Variants in RASAL2 observed in about 807,000 individuals in gnomAD.
The protein encoded by RASAL2 is RAS protein activator like 2.
A neutral mutation model predicts 128.9 loss-of-function variants in RASAL2; 58 were observed. The observed-to-expected ratio is 0.45, with a 90% CI of 0.36 to 0.56. The LOEUF (loss-of-function observed/expected upper bound fraction) is 0.56, where lower values mean the gene tolerates loss of function less well. RASAL2 is among the 20% of genes least tolerant of loss of function. The probability of loss-of-function intolerance (pLI) is 0.00; values close to 1 mark genes in which losing one functional copy is unlikely to be tolerated. For missense variants in RASAL2, 1,360 were observed against 1,601.6 expected (o/e 0.85, Z 2.57); for synonymous variants, 561 against 580.8 (o/e 0.97, Z 0.49).
At chr1:178,337,178 A>G (rs528381691) in intron 3 of RASAL2, among the ~76,000 whole-genome samples, 211 of 152,298 alleles carry the variant, frequency 1.4e-3, no homozygotes, top group Non-Finnish European at 2.1e-3. Flanking sequence ...TGTGACTATC[A>G]TAATTGTTAC....
intron 17 of RASAL2, among the ~76,000 whole-genome samples, chr1:178,469,913 A>C (rs1648104688): frequency 6.6e-6 from 1 of 152,228 alleles, no homozygotes; most frequent in Admixed American, 6.5e-5. Flanking sequence ...AATCCACTAA[A>C]CTATATTTGG....
intron 1 of RASAL2, among the ~76,000 whole-genome samples, chr1:178,206,249 C>G (rs144501759): frequency 7.8e-4 from 119 of 152,228 alleles, no homozygotes; most frequent in Middle Eastern, 6.8e-3. Context: ...ACAAAGATCC[C>G]ATTTGAGAGA....
intron 3 of RASAL2, among the ~76,000 whole-genome samples, chr1:178,320,501 C>T (rs911571478): frequency 3.9e-5 from 6 of 152,164 alleles, no homozygotes; most frequent in Admixed American, 2.6e-4. Context: ...CGTGGTGCGC[C>T]GTTTTTTAAG....
rs188782713 is a variant in RASAL2 at position 178,430,105 on chromosome 1, G to T, written c.675-9317G>T. On this transcript the variant is annotated intron_variant, in intron 5 of 17. Coordinates refer to ENST00000367649, the MANE Select transcript of RASAL2 (RefSeq NM_170692.4). ...ATCTTCATTCCCTAGCACAATGACT[G>T]TCCTATTGAGGAACTCAATACACAT... is the stretch of plus-strand genomic sequence containing the variant. 7.2e-4 allele frequency among the ~76,000 whole-genome samples: 109 copies of T among 152,242 alleles called. 1 individual carries two copies. Among genetic ancestry groups the T allele is most frequent in the African/African-American group, 2.3e-3 (97 of 41,564 alleles).
At chr1:178,320,209 G>A (rs1297835100) in intron 3 of RASAL2, among the ~76,000 whole-genome samples, 2 of 151,900 alleles carry the variant, frequency 1.3e-5, no homozygotes, top group Non-Finnish European at 2.9e-5. Context: ...CTGTCAGACA[G>A]GGACATTTAA....
intron 1 of RASAL2, among the ~76,000 whole-genome samples, chr1:178,275,267 A>G (rs977766627): frequency 6.6e-6 from 1 of 152,230 alleles, no homozygotes; most frequent in Non-Finnish European, 1.5e-5. Context: ...CATGCACCCT[A>G]CAGCTTTGAT....
intron 17 of RASAL2, among the ~76,000 whole-genome samples, chr1:178,468,967 T>G (rs1004262865): frequency 6.6e-6 from 1 of 152,210 alleles, no homozygotes; most frequent in Admixed American, 6.5e-5. Context: ...TACTAAGAGA[T>G]AAAACAGACT....
At chr1:178,279,900 A>G (rs1038921462) in intron 1 of RASAL2, among the ~76,000 whole-genome samples, 13 of 152,164 alleles carry the variant, frequency 8.5e-5, no homozygotes, top group Non-Finnish European at 7.4e-5. Context: ...TTTTGATATT[A>G]TATAATGAAA....
chr1:178,386,775 T>C (rs1672596375), intron 3 of RASAL2, among the ~76,000 whole-genome samples: 1 of 152,184 alleles, frequency 6.6e-6, no homozygotes, highest in Non-Finnish European at 1.5e-5. Flanking sequence ...GAAAAGAACA[T>C]TAATTTTACA....
intron 1 of RASAL2, among the ~76,000 whole-genome samples, chr1:178,196,350 A>C (rs1662658985): frequency 6.6e-6 from 1 of 152,226 alleles, no homozygotes; most frequent in African/African-American, 2.4e-5. Context: ...GCAACATGTA[A>C]AACAAAAGAT....
chr1:178,381,532 T>G (rs1672286493), intron 3 of RASAL2, among the ~76,000 whole-genome samples: 1 of 152,198 alleles, frequency 6.6e-6, no homozygotes, highest in Admixed American at 6.5e-5. Context: ...CATGTGCATA[T>G]TTAGTTCTTG....
At chr1:178,113,153 G>A (rs1165608449) in intron 1 of RASAL2, among the ~76,000 whole-genome samples, 2 of 152,140 alleles carry the variant, frequency 1.3e-5, no homozygotes, top group Admixed American at 6.5e-5. Context: ...TGTTGAAAAT[G>A]TAATATATGT....
At chr1:178,237,549 G>T (rs1355891805) in intron 1 of RASAL2, among the ~76,000 whole-genome samples, 5 of 152,186 alleles carry the variant, frequency 3.3e-5, no homozygotes, top group Admixed American at 1.3e-4. Context: ...TGGTTTACGA[G>T]TATAGACTTG....
chr1:178,417,467 A>G (rs1674834525), intron 4 of RASAL2, among the ~76,000 whole-genome samples: 2 of 152,282 alleles, frequency 1.3e-5, no homozygotes, highest in Admixed American at 1.3e-4. Flanking sequence ...GTATGATATG[A>G]TATGTGCCAC....
rs1667692435 is a variant in RASAL2, at chr1:178,300,013, G to A, written c.352G>A (p.Glu118Lys). 26 of 1,613,930 alleles carry A rather than the reference G, an allele frequency of 1.6e-5. No individual in the cohort carries two copies. Among genetic ancestry groups the A allele is most frequent in the Non-Finnish European group, 2.2e-5 (26 of 1,179,934 alleles). Residue 118 changes from glutamate (E) to lysine (K), a missense_variant, in exon 3 of 18, where the codon GAG becomes AAG. Physicochemically the swap from Glu to Lys is moderately conservative, Grantham distance 56. This residue lies in a region of RASAL2 where 617 missense variants were observed against 714.2 expected (regional missense o/e 0.86). Coordinates refer to ENST00000367649, the MANE Select transcript of RASAL2 (RefSeq NM_170692.4). ...CTAGATACCTGTGGAAGGGGGACAG[G>A]AGCAGCAGACAGATTCCACCAAAGG... Reference protein sequence around the residue: ...EKEIPVEGGQEQQTDSTKGRC... With the variant: ...EKEIPVEGGQKQQTDSTKGRC...
intron 5 of RASAL2, among the ~76,000 whole-genome samples, chr1:178,426,853 T>C (rs1277552236): frequency 2.0e-5 from 3 of 152,150 alleles, no homozygotes; most frequent in African/African-American, 7.2e-5. Flanking sequence ...TTAAACATTT[T>C]TGATCAAGAA....
chr1:178,462,563 C>G (rs1467290792), intron 14 of RASAL2, among the ~76,000 whole-genome samples: 1 of 152,144 alleles, frequency 6.6e-6, no homozygotes, highest in African/African-American at 2.4e-5. Context: ...TCCTTTCAAT[C>G]TAGCACAATA....
intron 1 of RASAL2, among the ~76,000 whole-genome samples, chr1:178,251,929 T>C (rs1000395547): frequency 6.6e-6 from 1 of 152,228 alleles, no homozygotes; most frequent in African/African-American, 2.4e-5. Context: ...ACTAAATGTT[T>C]ATATATAAGT....
chr1:178,453,683 T>C (rs1226523900), intron 11 of RASAL2, among the ~76,000 whole-genome samples: 1 of 152,094 alleles, frequency 6.6e-6, no homozygotes, highest in Non-Finnish European at 1.5e-5. Flanking sequence ...TATGATATTT[T>C]TATAATTTAT....
Sources: allele counts gnomAD v4.1 joint callset (sites outside exome capture counted in the v4.1 genomes callset), GRCh38; gene constraint gnomAD v4.1.1; regional missense constraint gnomAD v4.1.1; transcripts MANE v1.5; gene names NCBI Gene and HGNC (gene_info 2026-07-23, HGNC 2026-07-21).